CELSR2: variants seen among roughly 807,000 people sequenced by gnomAD.
The protein encoded by CELSR2 is EGF-like protein 2.
CELSR2 carries 81 observed loss-of-function variants against 251.6 expected under a neutral mutation model. The ratio of observed to expected loss-of-function variants is 0.32; its 90% CI spans 0.27 to 0.39. CELSR2 has a LOEUF of 0.39. Among genes scored for constraint, CELSR2 ranks in the 10% least tolerant of loss-of-function variants. The pLI, the probability that CELSR2 is intolerant of heterozygous loss-of-function variation, is 1.00. For synonymous variants in CELSR2, 1,721 were observed against 1,670.5 expected (o/e 1.03, Z -0.74); for missense variants, 3,365 against 3,947.7 (o/e 0.85, Z 3.96).
chr1:109,250,617 C>A lies in CELSR2; in HGVS notation c.538C>A (p.Gln180Lys). ...GAAAAGGAATGTAAATACAGCCCCC[C>A]AGTTCCAGCCCCCCAGCTACCAGGC... is the stretch of plus-strand genomic sequence containing the variant. ...RRKRNVNTAP[Q>K]FQPPSYQATV... The change falls in exon 1 of 34, where the codon CAG becomes AAG. Residue 180 changes from glutamine (Q) to lysine (K), a missense_variant. By Grantham distance (53) the Gln-to-Lys change is moderately conservative. Around this residue, in one of 5 missense-constraint regions of CELSR2, gnomAD observed 704 missense variants for 784.1 expected, o/e 0.90. Coordinates refer to ENST00000271332, the MANE Select transcript of CELSR2 (RefSeq NM_001408.3). The surrounding 1 kb of genome is among the most constrained non-coding windows in gnomAD (Gnocchi z 4.4). 6.2e-7 allele frequency: 1 copy of A among 1,614,016 alleles called. No homozygotes were observed. The highest frequency in any genetic ancestry group is 8.5e-7 in the Non-Finnish European group (1 of 1,180,010).
rs753492335 is a variant in CELSR2, at chr1:109,264,446, C to T, written c.5290-8C>T. The T allele has an allele frequency of 5.0e-6, 8 of 1,608,352 alleles. No individual in the cohort carries two copies. In the Admixed American group the frequency reaches 1.0e-4, roughly 20 times the overall value. Reference sequence around the variant, plus strand: ...CACTGAGGGCAACACTGCTCCTGTCCCTCCCAGGGTGTGCGGGTGAGCGAT... The same window carrying T: ...CACTGAGGGCAACACTGCTCCTGTCTCTCCCAGGGTGTGCGGGTGAGCGAT... On this transcript the variant is annotated splice_polypyrimidine_tract_variant and splice_region_variant and intron_variant, in intron 10 of 33. Coordinates refer to ENST00000271332, the MANE Select transcript of CELSR2 (RefSeq NM_001408.3).
intron 29 of CELSR2, 94 bp from the exon 30 acceptor site, chr1:109,272,546 C>A: frequency 1.3e-6 from 2 of 1,484,268 alleles, no homozygotes; most frequent in South Asian, 2.4e-5. Flanking sequence ...TGTAAGGGAC[C>A]CACAGCAGGA....
chr1:109,272,693 G>T lies in CELSR2; in HGVS notation c.8108G>T (p.Gly2703Val). 1.9e-6 allele frequency: 3 copies of T among 1,613,914 alleles called. No individual in the cohort carries two copies. Among genetic ancestry groups the T allele is most frequent in the Non-Finnish European group, 2.5e-6 (3 of 1,179,984 alleles). Residue 2703 changes from glycine (G) to valine (V), a missense_variant, in exon 30 of 34, where the codon GGC becomes GTC. Gly to Val is a moderately radical substitution (Grantham distance 109). Transcript: ENST00000271332. ...GGGCCCCCTGGCCTGGGGGATCCAG[G>T]CAGCCTGTTCCTGGAAGGTCAAGAC... is the stretch of plus-strand genomic sequence containing the variant. ...GQGPPGLGDP[G>V]SLFLEGQDQQ...
In CELSR2 at chr1:109,258,928, C is replaced by A. The variant is rs768486540; in HGVS notation, c.3807C>A (p.Val1269=). Residue 1269 remains valine (V), a synonymous_variant, in exon 2 of 34, where the codon GTC becomes GTA. Transcript: ENST00000271332. ...SSVLFRPIHP[V]GGLRCRCPPG... ...TGCTCTTCCGGCCCATCCACCCCGT[C>A]GGAGGGCTGCGCTGCCGCTGCCCGC... is the stretch of plus-strand genomic sequence containing the variant. 2 of 1,612,018 alleles carry A rather than the reference C, an allele frequency of 1.2e-6. No individual in the cohort carries two copies. The highest frequency in any genetic ancestry group is 4.5e-5 in the East Asian group (2 of 44,872).
chr1:109,250,380 A>G lies in CELSR2; in HGVS notation c.301A>G (p.Ile101Val), dbSNP rs1557725290. Reference protein sequence around the residue: ...RVWCPESEAHIPLPPAPEGCP... With the variant: ...RVWCPESEAHVPLPPAPEGCP... ...TTGGTGTCCAGAATCCGAGGCCCAT[A>G]TTCCCCTACCACCAGCTCCTGAAGG... Residue 101 changes from isoleucine (I) to valine (V), a missense_variant, in exon 1 of 34, where the codon ATT (isoleucine) becomes GTT (valine). Ile to Val is a conservative substitution (Grantham distance 29, BLOSUM62 3). Transcript: ENST00000271332. The surrounding 1 kb of genome is among the most constrained non-coding windows in gnomAD (Gnocchi z 4.4). The G allele has an allele frequency of 1.9e-6, 3 of 1,613,540 alleles. No homozygotes were observed. The highest frequency in any genetic ancestry group is 2.5e-6 in the Non-Finnish European group (3 of 1,180,000).
At position 109,252,273 on chromosome 1, in the gene CELSR2, G is replaced by T; in HGVS notation, c.2194G>T (p.Val732Leu). 1.2e-6 allele frequency: 2 copies of T among 1,613,312 alleles called. No individual in the cohort carries two copies. The highest frequency in any genetic ancestry group is 1.7e-6 in the Non-Finnish European group (2 of 1,180,020). The change falls in exon 1 of 34, where the codon GTG (valine) becomes TTG (leucine). Residue 732 changes from valine (V) to leucine (L), a missense_variant. Around this residue, in one of 5 missense-constraint regions of CELSR2, gnomAD observed 505 missense variants for 660.0 expected, o/e 0.77. Transcript: ENST00000271332. The surrounding 1 kb of genome is among the most constrained non-coding windows in gnomAD (Gnocchi z 4.8). Reference sequence around the variant, plus strand: ...GGACCGGCCGGCAGGCACCACGGTGGTGCTGATCAGCGCCACGGATGAGGA... The same window carrying T: ...GGACCGGCCGGCAGGCACCACGGTGTTGCTGATCAGCGCCACGGATGAGGA... ...NEDRPAGTTV[V>L]LISATDEDTG...
intron 16 of CELSR2, 99 bp downstream of exon 16, chr1:109,267,741 G>C (rs1570790030): frequency 6.4e-7 from 1 of 1,558,712 alleles, no homozygotes. Context: ...TGGAATTCCA[G>C]CCTGTGTGTT....
In CELSR2 at chr1:109,269,868, C is replaced by T. The variant is rs1044538981; in HGVS notation, c.7107+48C>T. On this transcript the variant is annotated intron_variant, in intron 22 of 33. Transcript: ENST00000271332. The surrounding 1 kb of genome is among the most constrained non-coding windows in gnomAD (Gnocchi z 6.4). ...CAGAGCCGTGGGTGGGCACCCAGGGCACGGGGCTGGGTGCTCAGGTCCTGC... is the reference window on the plus strand; with the variant it reads ...CAGAGCCGTGGGTGGGCACCCAGGGTACGGGGCTGGGTGCTCAGGTCCTGC... 3.7e-6 allele frequency: 6 copies of T among 1,613,212 alleles called. No individual in the cohort carries two copies. Among genetic ancestry groups the T allele is most frequent in the Non-Finnish European group, 5.1e-6 (6 of 1,179,616 alleles).
In CELSR2 at chr1:109,261,397, G is replaced by A. The variant is rs1656017938; in HGVS notation, c.4182-116G>A. 1.5e-6 allele frequency: 2 copies of A among 1,339,498 alleles called. No homozygotes were observed. Among genetic ancestry groups the A allele is most frequent in the Admixed American group, 1.7e-5 (1 of 58,400 alleles). The allele number at this position is 1,339,498 out of a possible 1,614,324, so 83.0% of individuals were successfully genotyped here. A position where few individuals can be genotyped will look rare whatever the true frequency, so the allele number is the denominator to read the frequency against. ...TGCCGGCAGAGCCAGGTCTGCTCTT[G>A]GAGTTGCCTGTGGTTCTGCCAGCAG... is the stretch of plus-strand genomic sequence containing the variant. On this transcript the variant is annotated intron_variant, in intron 3 of 33. Coordinates refer to ENST00000271332, the MANE Select transcript of CELSR2 (RefSeq NM_001408.3). This position sits in a 1 kb window ranked among gnomAD's most constrained non-coding sequence, Gnocchi z 4.8.
Position 109,254,107 on chromosome 1 carries a change from A to C in CELSR2, c.3310+718A>C, listed in dbSNP as rs979957177. ...GGTCTGGCTTGGAGGAGGGGCTGCA[A>C]TGAAGCTGGGGGGCAGGCTGAGGCC... On this transcript the variant is annotated intron_variant, in intron 1 of 33. Transcript: ENST00000271332. Among the ~76,000 whole-genome samples the C allele has an allele frequency of 9.9e-5, 15 of 152,168 alleles. 1 individual carries two copies. Among genetic ancestry groups the C allele is most frequent in the Non-Finnish European group, 5.9e-5 (4 of 68,018 alleles).
chr1:109,272,143 GAA>G, intron 28 of CELSR2, 133 bp from the exon 29 acceptor site: 1 of 1,192,808 alleles, frequency 8.4e-7, no homozygotes, highest in Non-Finnish European at 1.2e-6. Flanking sequence ...GGACAGCGGA[GAA>G]GCAGGGCCCT....
Position 109,261,871 on chromosome 1 carries a change from C to A in CELSR2, c.4361C>A (p.Thr1454Lys), listed in dbSNP as rs747147471. The A allele has an allele frequency of 6.3e-7, 1 of 1,587,796 alleles. No homozygotes were observed. Among genetic ancestry groups the A allele is most frequent in the South Asian group, 1.1e-5 (1 of 87,726 alleles). The change falls in exon 5 of 34, where the codon ACG (threonine) becomes AAG (lysine). Residue 1454 changes from threonine (T) to lysine (K), a missense_variant. This residue lies in a region of CELSR2 where 2,093 missense variants were observed against 2,382.8 expected (regional missense o/e 0.88). Coordinates refer to ENST00000271332, the MANE Select transcript of CELSR2 (RefSeq NM_001408.3). The surrounding 1 kb of genome is among the most constrained non-coding windows in gnomAD (Gnocchi z 4.8). ...PGGVSDGQWH[T>K]VQLKYYNKPL... ...GGAGTCAGTGATGGCCAGTGGCATA[C>A]GGTGCAGCTGAAATACTACAATAAG...
Position 109,273,158 on chromosome 1 carries a change from C to T in CELSR2, c.8339-8C>T. On this transcript the variant is annotated splice_region_variant and splice_polypyrimidine_tract_variant and intron_variant, in intron 31 of 33. Coordinates refer to ENST00000271332, the MANE Select transcript of CELSR2 (RefSeq NM_001408.3). ...CTGTGGGCCTCATCTACTTCCTTTCCCCACCAGATGGGGGCCCAGGGCCTG... is the reference window on the plus strand; with the variant it reads ...CTGTGGGCCTCATCTACTTCCTTTCTCCACCAGATGGGGGCCCAGGGCCTG... The T allele has an allele frequency of 1.2e-6, 2 of 1,610,668 alleles. No individual in the cohort carries two copies. The highest frequency in any genetic ancestry group is 8.5e-7 in the Non-Finnish European group (1 of 1,178,738).
rs764084072 is a variant in CELSR2 at position 109,252,752 on chromosome 1, A to G, written c.2673A>G (p.Ala891=). 1.1e-5 allele frequency: 18 copies of G among 1,614,058 alleles called. 1 individual carries two copies. In the South Asian group the frequency reaches 1.3e-4, roughly 12 times the overall value. Residue 891 remains alanine (A), a synonymous_variant, in exon 1 of 34, where the codon GCA becomes GCG. Transcript: ENST00000271332. The surrounding 1 kb of genome is among the most constrained non-coding windows in gnomAD (Gnocchi z 4.8). ...RENVAQYVLR[A]YAVDKGMPPA... ...ACGTGGCCCAGTATGTCTTGCGGGC[A>G]TATGCAGTGGACAAGGGGATGCCCC...
Position 109,267,597 on chromosome 1 carries a change from C to T in CELSR2, c.6063C>T (p.Asn2021=), listed in dbSNP as rs1557735038. The T allele has an allele frequency of 1.9e-6, 3 of 1,614,208 alleles. No individual in the cohort carries two copies. In the Admixed American group the frequency reaches 5.0e-5, roughly 27 times the overall value. ...AGCACAGGGGGTGGCTCCCCCCAAA[C>T]CTCTTCAACTGCACGTCCATCACCT... The part of the protein sequence containing the change: ...CDEHRGWLPP[N]LFNCTSITFS... The change falls in exon 16 of 34, where the codon AAC becomes AAT. Residue 2021 remains asparagine (N), a synonymous_variant. Coordinates refer to ENST00000271332, the MANE Select transcript of CELSR2 (RefSeq NM_001408.3).
chr1:109,251,788 G>T lies in CELSR2; in HGVS notation c.1709G>T (p.Arg570Leu), dbSNP rs780159848. The T allele has an allele frequency of 1.9e-6, 3 of 1,614,054 alleles. No individual in the cohort carries two copies. The East Asian group carries it at 6.7e-5, about 36-fold the overall frequency. Residue 570 changes from arginine (R) to leucine (L), a missense_variant, in exon 1 of 34, where the codon CGG becomes CTG. Transcript: ENST00000271332. This position sits in a 1 kb window ranked among gnomAD's most constrained non-coding sequence, Gnocchi z 4.9. ...ATCTCTGTGGCTGCTGAACTGGACC[G>T]GGAGGAAGTTGATTTCTACAGCTTT... is the stretch of plus-strand genomic sequence containing the variant. ...GWISVAAELD[R>L]EEVDFYSFGV...
intron 1 of CELSR2, among the ~76,000 whole-genome samples, chr1:109,254,129 G>A (rs1364624090): frequency 6.6e-6 from 1 of 152,226 alleles, no homozygotes; most frequent in Admixed American, 6.5e-5. Context: ...GGCAGGCTGA[G>A]GCCTCGTGGG....
chr1:109,272,130 T>G, intron 28 of CELSR2, 148 bp from the exon 29 acceptor site: 1 of 1,089,574 alleles, frequency 9.2e-7, no homozygotes. Context: ...GGCCTCAATA[T>G]GGGGACAGCG....
chr1:109,262,562 C>A, intron 6 of CELSR2, 118 bp downstream of exon 6: 1 of 1,432,256 alleles, frequency 7.0e-7, no homozygotes. Flanking sequence ...AGCCCCTGCT[C>A]AGCCCTGGGG....
Sources: gnomAD v4.1 joint callset for allele counts (sites outside exome capture counted in the v4.1 genomes callset) on GRCh38, gnomAD v4.1.1 for gene constraint, gnomAD v4.1.1 regional missense constraint, Gnocchi (gnomAD v3.1) non-coding constraint, MANE v1.5 for transcripts, NCBI Gene and HGNC (gene_info 2026-07-23, HGNC 2026-07-21) for gene names.